RPS6KL1: variants seen among roughly 807,000 people sequenced by gnomAD.
The protein encoded by RPS6KL1 is ribosomal protein S6 kinase like 1, also known as ribosomal protein S6 kinase-like 1.
In RPS6KL1, 41 loss-of-function variants were observed where a neutral mutation model predicts 57.0. The ratio of observed to expected loss-of-function variants is 0.72; its 90% confidence interval spans 0.56 to 0.93. The LOEUF (loss-of-function observed/expected upper bound fraction) is 0.93, where lower values mean the gene tolerates loss of function less well. Among genes scored for constraint, RPS6KL1 ranks in the 40% least tolerant of loss-of-function variants. The probability of loss-of-function intolerance (pLI) is 0.00; values close to 1 mark genes in which losing one functional copy is unlikely to be tolerated. For missense variants in RPS6KL1, 697 were observed against 727.7 expected (o/e 0.96, Z 0.49); for synonymous variants, 287 against 309.7 (o/e 0.93, Z 0.77).
chr14:74,919,928 T>C lies in RPS6KL1; in HGVS notation c.307A>G (p.Ile103Val), dbSNP rs1188477433. 10 of 1,614,080 alleles carry C rather than the reference T, an allele frequency of 6.2e-6. No homozygotes were observed. Among genetic ancestry groups the C allele is most frequent in the Non-Finnish European group, 8.5e-6 (10 of 1,180,010 alleles). Residue 103 changes from isoleucine to valine, a missense_variant, in exon 4 of 12, where the codon ATT becomes GTT. Coordinates refer to ENST00000557413, the MANE Select transcript of RPS6KL1 (RefSeq NM_031464.5). ...TCTGCCCGCCGCAGGTATTTGGTAA[T>C]TTTCAGCTTCACAGCCTCACGTCGC... Reference protein sequence around the residue: ...KERREAVKLKITKYLRRAEEI... With the variant: ...KERREAVKLKVTKYLRRAEEI...
Position 74,907,538 on chromosome 14 carries a change from G to A in RPS6KL1, c.1444-8C>T. On this transcript the variant is annotated splice_region_variant and splice_polypyrimidine_tract_variant and intron_variant, in intron 10 of 11. Coordinates refer to ENST00000557413, the MANE Select transcript of RPS6KL1 (RefSeq NM_031464.5). The stretch of plus-strand genomic sequence containing the variant: ...GTGGCTCTGGGACAGTGCCTGGGAG[G>A]ACACAGGGAAGGGCCTCTGAGGAGG... The A allele has an allele frequency of 6.4e-7, 1 of 1,565,244 alleles. No individual in the cohort carries two copies. Among genetic ancestry groups the A allele is most frequent in the Non-Finnish European group, 8.7e-7 (1 of 1,154,302 alleles).
At chr14:74,917,265 T>C (rs993803236) in intron 5 of RPS6KL1, among the ~76,000 whole-genome samples, 3 of 152,198 alleles carry the variant, frequency 2.0e-5, no homozygotes, top group South Asian at 2.1e-4. Context: ...GATCACCCCA[T>C]TGGGGGAGAA....
In RPS6KL1 at chr14:74,916,683, GA is replaced by G. The variant is rs750980012; in HGVS notation, c.483+1829del. Among the ~76,000 whole-genome samples the G allele has an allele frequency of 1.4e-3, 207 of 144,470 alleles. 4 individuals carry two copies. Among genetic ancestry groups the G allele is most frequent in the African/African-American group, 3.9e-3 (154 of 39,686 alleles). 94.8% of individuals were successfully genotyped at this position (144,470 alleles called of 152,430 possible). A position where few individuals can be genotyped will look rare whatever the true frequency, so the allele number is the denominator to read the frequency against. ...GCTACAGAGCGAGACCCTGTGTCAA[GA>G]AAAAAAAAAAATGGTTGGGCTTGGC... On this transcript the variant is annotated intron_variant, in intron 5 of 11. Transcript: ENST00000557413.
At chr14:74,917,919 G>A (rs577991660) in intron 5 of RPS6KL1, among the ~76,000 whole-genome samples, 1 of 152,160 alleles carries the variant, frequency 6.6e-6, no homozygotes, top group East Asian at 1.9e-4. Flanking sequence ...TGAGTGTGGT[G>A]GGGGTGCTGT....
chr14:74,921,238 T>TGA, intron 3 of RPS6KL1, 39 bp downstream of exon 3: 1 of 840,186 alleles, frequency 1.2e-6, no homozygotes. Context: ...CACTGGCCCT[T>TGA]CCCCACCCAC....
intron 10 of RPS6KL1, 77 bp from the exon 11 acceptor site, chr14:74,907,607 T>C: frequency 7.2e-7 from 1 of 1,384,200 alleles, no homozygotes. Flanking sequence ...CAGGATTTTT[T>C]TTCCCCATGT....
chr14:74,909,762 C>G lies in RPS6KL1; in HGVS notation c.1051G>C (p.Gly351Arg). ...CAGCCCCCTAGCACCGGGCCGGCCC[C>G]CTCAGGAACCCAAGTGAGCCCCCGA... Reference protein sequence around the residue: ...PPRGLTWVPEGAGPVLGGCGR... With the variant: ...PPRGLTWVPERAGPVLGGCGR... The change falls in exon 8 of 12, where the codon GGG (glycine) becomes CGG (arginine). Residue 351 changes from glycine (G) to arginine (R), a missense_variant. Coordinates refer to ENST00000557413, the MANE Select transcript of RPS6KL1 (RefSeq NM_031464.5). 1.2e-6 allele frequency: 2 copies of G among 1,607,030 alleles called. No individual in the cohort carries two copies. The highest frequency in any genetic ancestry group is 1.7e-6 in the Non-Finnish European group (2 of 1,178,036).
chr14:74,911,539 C>T (rs1885976776), intron 6 of RPS6KL1, 159 bp from the exon 7 acceptor site: 2 of 824,360 alleles, frequency 2.4e-6, no homozygotes, highest in Non-Finnish European at 3.8e-6. Context: ...CCTGTAGAAT[C>T]TGGGTCCTCC....
intron 5 of RPS6KL1, among the ~76,000 whole-genome samples, chr14:74,917,169 C>G (rs773399640): frequency 6.6e-6 from 1 of 152,248 alleles, no homozygotes. Flanking sequence ...TCACTCCTGT[C>G]ACTTGTATTT....
intron 8 of RPS6KL1, 51 bp from the exon 9 acceptor site, chr14:74,909,241 C>A (rs1272640443): frequency 1.3e-6 from 2 of 1,556,194 alleles, no homozygotes; most frequent in Admixed American, 1.7e-5. Context: ...ACAGCTGATA[C>A]AGGGGAGGGG....
Position 74,907,423 on chromosome 14 carries a change from G to A in RPS6KL1, c.1539+12C>T, listed in dbSNP as rs1885094708. 17 of 1,564,030 alleles carry A rather than the reference G, an allele frequency of 1.1e-5. No homozygotes were observed. The highest frequency in any genetic ancestry group is 1.5e-5 in the Non-Finnish European group (17 of 1,155,192). On this transcript the variant is annotated intron_variant, in intron 11 of 11. Transcript: ENST00000557413. Reference sequence around the variant, plus strand: ...CTAGGCAGCTGCTTCCTCTGGCCGGGCTACACCTCACCTCAGTCAGCAGAG... The same window carrying A: ...CTAGGCAGCTGCTTCCTCTGGCCGGACTACACCTCACCTCAGTCAGCAGAG...
chr14:74,920,696 C>T (rs534117231), intron 3 of RPS6KL1, among the ~76,000 whole-genome samples: 8 of 152,320 alleles, frequency 5.3e-5, no homozygotes, highest in Admixed American at 2.6e-4. Flanking sequence ...TGCTCTAGGC[C>T]GGCCCAGTCT....
chr14:74,907,449 AG>A lies in RPS6KL1; in HGVS notation c.1524del (p.Ser509LeufsTer3). 6.3e-7 allele frequency: 1 copy of A among 1,581,808 alleles called. No homozygotes were observed. The highest frequency in any genetic ancestry group is 8.6e-7 in the Non-Finnish European group (1 of 1,164,222). ...CTACACCTCACCTCAGTCAGCAGAG[AG>A]GCCGCTGGGCGACTGAGCCACTCGG... The part of the protein sequence containing the change: ...QLPEWLSRPA[A>X]SLLTELLQFE... On this transcript the variant is annotated frameshift_variant, in exon 11 of 12. Transcript: ENST00000557413. LOFTEE classifies it high-confidence loss of function.
rs552463583 is a variant in RPS6KL1, at chr14:74,904,670, G to C, written c.*2344C>G. ...AAACACCAGTAGACTTGCATTTTTTGTGTGGGCTTACATTATTTCAGTGAT... is the reference window on the plus strand; with the variant it reads ...AAACACCAGTAGACTTGCATTTTTTCTGTGGGCTTACATTATTTCAGTGAT... On this transcript the variant is annotated 3_prime_UTR_variant, in exon 12 of 12. Coordinates refer to ENST00000557413, the MANE Select transcript of RPS6KL1 (RefSeq NM_031464.5). 3.0e-4 allele frequency: 46 copies of C among 152,240 alleles called. No homozygotes were observed. The highest frequency in any genetic ancestry group is 2.1e-3 in the Admixed American group (32 of 15,300). The allele number at this position is 152,240 out of a possible 1,614,324, so 9.4% of individuals were successfully genotyped here.
chr14:74,911,225 CAGG>C lies in RPS6KL1; in HGVS notation c.664+20_664+22del. On this transcript the variant is annotated intron_variant, in intron 7 of 11. Coordinates refer to ENST00000557413, the MANE Select transcript of RPS6KL1 (RefSeq NM_031464.5). ...ATACCCCAAAGGCCTGGGGAGCTGACAGGGGGCCCCAGGCCTGCTCACCTTGCA... is the reference window on the plus strand; with the variant it reads ...ATACCCCAAAGGCCTGGGGAGCTGACGGGCCCCAGGCCTGCTCACCTTGCA... 6.2e-7 allele frequency: 1 copy of C among 1,608,304 alleles called. No homozygotes were observed.
intron 10 of RPS6KL1, among the ~76,000 whole-genome samples, chr14:74,908,337 G>A (rs1885269694): frequency 6.6e-6 from 1 of 152,202 alleles, no homozygotes; most frequent in South Asian, 2.1e-4. Flanking sequence ...AAGAGTGCCT[G>A]CTCTGATTGC....
rs1887869597 is a variant in RPS6KL1 at position 74,921,669 on chromosome 14, A to G, written c.-20-108T>C. 3.4e-6 allele frequency: 5 copies of G among 1,470,018 alleles called. No homozygotes were observed. The Admixed American group carries it at 8.9e-5, about 26-fold the overall frequency. 91.1% of individuals were successfully genotyped at this position (1,470,018 alleles called of 1,614,324 possible). On this transcript the variant is annotated intron_variant, in intron 2 of 11. Coordinates refer to ENST00000557413, the MANE Select transcript of RPS6KL1 (RefSeq NM_031464.5). Reference sequence around the variant, plus strand: ...GGGAGACTCATATTCACCTCCAAAGACTGAAGGGGTCAGAGCTAAAGTGGG... The same window carrying G: ...GGGAGACTCATATTCACCTCCAAAGGCTGAAGGGGTCAGAGCTAAAGTGGG...
rs138701911 is a variant in RPS6KL1, at chr14:74,911,697, G to A, written c.531+97C>T. Reference sequence around the variant, plus strand: ...GAACAACCAGCTTTTGTGGGAGGGAGTGCAGGCTTCAAATGCAGGTTCTGG... The same window carrying A: ...GAACAACCAGCTTTTGTGGGAGGGAATGCAGGCTTCAAATGCAGGTTCTGG... On this transcript the variant is annotated intron_variant, in intron 6 of 11. Coordinates refer to ENST00000557413, the MANE Select transcript of RPS6KL1 (RefSeq NM_031464.5). The A allele has an allele frequency of 5.1e-5, 59 of 1,164,510 alleles. 1 individual carries two copies. In the African/African-American group the frequency reaches 6.5e-4, roughly 13 times the overall value. The allele number at this position is 1,164,510 out of a possible 1,614,324, so 72.1% of individuals were successfully genotyped here.
chr14:74,914,358 A>G (rs952764033), intron 5 of RPS6KL1, among the ~76,000 whole-genome samples: 1 of 152,166 alleles, frequency 6.6e-6, no homozygotes, highest in African/African-American at 2.4e-5. Context: ...GGGATTCCCC[A>G]CCACCTGGTC....
Sources: gnomAD v4.1 joint callset for allele counts (sites outside exome capture counted in the v4.1 genomes callset) on GRCh38, gnomAD v4.1.1 for gene constraint, MANE v1.5 for transcripts, NCBI Gene and HGNC (gene_info 2026-07-23, HGNC 2026-07-21) for gene names.